The following BACH2 variants were observed in gnomAD, a reference collection of about 807,000 sequenced individuals.
The protein encoded by BACH2 is transcription regulator protein BACH2.
In BACH2, 5 loss-of-function variants were observed where a neutral mutation model predicts 61.8. The observed-to-expected ratio is 0.08, with a 90% CI of 0.04 to 0.17. The LOEUF is 0.17. BACH2 is among the 10% of genes least tolerant of loss of function. BACH2 has a pLI of 1.00. For missense variants in BACH2, 824 were observed against 1,091.1 expected, an observed-to-expected ratio of 0.76 and a Z score of 3.45; for synonymous variants, 446 against 440.1, an observed-to-expected ratio of 1.01 and a Z score of -0.17.
chr6:90,203,459 T>G (rs182549665), intron 4 of BACH2, among the ~76,000 whole-genome samples: 1 of 149,330 alleles, frequency 6.7e-6, no homozygotes, highest in African/African-American at 2.5e-5. Flanking sequence ...ACATAAAGAT[T>G]GGAAAGTCAG....
In BACH2 at chr6:90,174,512, C is replaced by T. The variant is rs181654930; in HGVS notation, c.-162+32057G>A. 1.5e-3 allele frequency among the ~76,000 whole-genome samples: 233 copies of T among 151,898 alleles called. 1 individual carries two copies. Among genetic ancestry groups the T allele is most frequent in the Admixed American group, 0.014 (214 of 15,256 alleles). On this transcript the variant is annotated intron_variant, in intron 4 of 8. Coordinates refer to ENST00000257749, the MANE Select transcript of BACH2 (RefSeq NM_021813.4). ...TTTAATTTAACATTGGAGATTCTTG[C>T]CAGTTCAGTAAGACAAGAAAAAAGA... is the stretch of plus-strand genomic sequence containing the variant.
At chr6:89,944,053 C>G (rs773874201) in intron 7 of BACH2, among the ~76,000 whole-genome samples, 2 of 152,242 alleles carry the variant, frequency 1.3e-5, no homozygotes, top group Non-Finnish European at 2.9e-5. Context: ...AGAAATGTTT[C>G]TCGCGCAATT....
chr6:90,296,137 C>G (rs180959531), intron 1 of BACH2, among the ~76,000 whole-genome samples: 8 of 152,094 alleles, frequency 5.3e-5, no homozygotes, highest in South Asian at 2.1e-4. Flanking sequence ...CCTCCCCATG[C>G]CTGACTTATT....
intron 6 of BACH2, among the ~76,000 whole-genome samples, chr6:89,953,867 T>C (rs1047872091): frequency 3.9e-5 from 6 of 152,196 alleles, no homozygotes; most frequent in Non-Finnish European, 7.3e-5. Flanking sequence ...GGGTCTTTGT[T>C]TGCCCCGTGT....
chr6:90,048,701 T>A (rs1053553668), intron 5 of BACH2, among the ~76,000 whole-genome samples: 1 of 152,186 alleles, frequency 6.6e-6, no homozygotes, highest in Non-Finnish European at 1.5e-5. Flanking sequence ...TTTTAAAAAT[T>A]CCCTCTAACA....
At chr6:89,955,434 TGA>T (rs1223725782) in intron 6 of BACH2, among the ~76,000 whole-genome samples, 1 of 152,236 alleles carries the variant, frequency 6.6e-6, no homozygotes, top group African/African-American at 2.4e-5. Flanking sequence ...AGGAGACTAC[TGA>T]GGCTGAGGGG....
chr6:90,248,580 T>C (rs1165549869), intron 3 of BACH2, among the ~76,000 whole-genome samples: 1 of 152,152 alleles, frequency 6.6e-6, no homozygotes, highest in Non-Finnish European at 1.5e-5. Flanking sequence ...GAGGATGTGA[T>C]GTTAAAATGC....
At chr6:90,221,679 G>A (rs984833116) in intron 3 of BACH2, among the ~76,000 whole-genome samples, 68 of 152,084 alleles carry the variant, frequency 4.5e-4, no homozygotes, top group African/African-American at 1.6e-3. Flanking sequence ...GAAATAGGGC[G>A]TGACATCACC....
At chr6:90,102,791 AAATAATAATAATAATAATAAT>A (rs372366852) in intron 4 of BACH2, among the ~76,000 whole-genome samples, 11 of 113,682 alleles carry the variant, frequency 9.7e-5, no homozygotes, top group South Asian at 6.1e-4. Flanking sequence ...ACTCCATTTC[AAATAATAATAATAATAATAAT>A]AATAATAATA....
Position 89,988,053 on chromosome 6 carries a change from C to T in BACH2, c.243+20549G>A, listed in dbSNP as rs538629778. On this transcript the variant is annotated intron_variant, in intron 6 of 8. Coordinates refer to ENST00000257749, the MANE Select transcript of BACH2 (RefSeq NM_021813.4). ...AGTTTGGAATGCTGGCCTAGTCCAA[C>T]CAGTTTGCTGAGATCATGAACAATT... Among the ~76,000 whole-genome samples, 4 of 152,252 alleles carry T rather than the reference C, an allele frequency of 2.6e-5. No individual in the cohort carries two copies. In the South Asian group the frequency reaches 6.2e-4, roughly 24 times the overall value.
chr6:90,132,492 GGCCCCA>G (rs1208928621), intron 4 of BACH2, among the ~76,000 whole-genome samples: 1 of 152,056 alleles, frequency 6.6e-6, no homozygotes. Flanking sequence ...CTGTTGTCCT[GGCCCCA>G]CCAATATTCA....
chr6:90,014,438 GTGTATATATA>G (rs1253197036), intron 5 of BACH2, among the ~76,000 whole-genome samples: 131 of 73,128 alleles, frequency 1.8e-3, no homozygotes, highest in East Asian at 3.1e-3. Flanking sequence ...GTGTGTGTGT[GTGTATATATA>G]TATATATATA....
At chr6:90,231,223 A>T (rs180821266) in intron 3 of BACH2, among the ~76,000 whole-genome samples, 1 of 152,336 alleles carries the variant, frequency 6.6e-6, no homozygotes, top group African/African-American at 2.4e-5. Flanking sequence ...TTCATTACAT[A>T]CAACTGTTTA....
chr6:90,224,737 G>A (rs1000593184), intron 3 of BACH2, among the ~76,000 whole-genome samples: 2 of 152,172 alleles, frequency 1.3e-5, no homozygotes, highest in African/African-American at 4.8e-5. Flanking sequence ...GCAGACCAGA[G>A]TTTGAAGATC....
chr6:90,149,253 C>T (rs763213398), intron 4 of BACH2, among the ~76,000 whole-genome samples: 10 of 152,074 alleles, frequency 6.6e-5, no homozygotes, highest in Non-Finnish European at 7.4e-5. Context: ...TTTTTTCCAG[C>T]GCTTCTATGT....
At position 90,094,746 on chromosome 6, in the gene BACH2, A is replaced by C. The variant is rs1458215934; in HGVS notation, c.-161-5637T>G. On this transcript the variant is annotated intron_variant, in intron 4 of 8. Transcript: ENST00000257749. ...CCAAGGGGATCATGTTCAGCATCTCAATGGGAATGACACCAGTCAGCCAAT... is the reference window on the plus strand; with the variant it reads ...CCAAGGGGATCATGTTCAGCATCTCCATGGGAATGACACCAGTCAGCCAAT... Among the ~76,000 whole-genome samples the C allele has an allele frequency of 2.6e-5, 4 of 152,136 alleles. No individual in the cohort carries two copies. The East Asian group carries it at 7.7e-4, about 29-fold the overall frequency.
chr6:90,079,351 T>A (rs1008651012), intron 5 of BACH2, among the ~76,000 whole-genome samples: 1 of 152,228 alleles, frequency 6.6e-6, no homozygotes, highest in African/African-American at 2.4e-5. Context: ...CTTTCCTTGC[T>A]GTGCTATGAG....
intron 5 of BACH2, among the ~76,000 whole-genome samples, chr6:90,057,266 C>T (rs1237193580): frequency 5.3e-5 from 8 of 151,990 alleles, no homozygotes; most frequent in Non-Finnish European, 7.4e-5. Flanking sequence ...ATCAAATAGA[C>T]GCAATAAAAA....
At chr6:90,097,375 A>G (rs1782423657) in intron 4 of BACH2, among the ~76,000 whole-genome samples, 1 of 152,210 alleles carries the variant, frequency 6.6e-6, no homozygotes, top group African/African-American at 2.4e-5. Context: ...AAAAACCAAC[A>G]TGTGAGTAAT....
Sources: allele counts gnomAD v4.1 joint callset (sites outside exome capture counted in the v4.1 genomes callset), GRCh38; gene constraint gnomAD v4.1.1; transcripts MANE v1.5; gene names NCBI Gene and HGNC (gene_info 2026-07-23, HGNC 2026-07-21).